CSMD1: variants seen among roughly 807,000 people sequenced by gnomAD.
CSMD1 encodes CUB and Sushi multiple domains 1.
Under a neutral mutation model 417.5 loss-of-function variants are expected in CSMD1, and 213 were observed. That is an observed-to-expected ratio of 0.51 (90% CI 0.46 to 0.57). The LOEUF is 0.57. CSMD1 is among the 20% of genes least tolerant of loss of function. CSMD1 has a pLI of 0.00. For missense variants in CSMD1, 6,923 were observed against 4,529.7 expected, an observed-to-expected ratio of 1.53 and a Z score of -15.17; for synonymous variants, 2,862 against 1,736.8, an observed-to-expected ratio of 1.65 and a Z score of -16.11.
At chr8:3,166,405 G>A (rs955653421) in intron 37 of CSMD1, among the ~76,000 whole-genome samples, 3 of 152,010 alleles carry the variant, frequency 2.0e-5, no homozygotes, top group Admixed American at 2.0e-4. Context: ...GTGGTGGTGT[G>A]CACCTGTAGT....
chr8:3,876,075 T>G (rs1805794417), intron 5 of CSMD1, among the ~76,000 whole-genome samples: 1 of 152,192 alleles, frequency 6.6e-6, no homozygotes. Flanking sequence ...GAAATATACT[T>G]GTTGTCTTTT....
chr8:4,110,429 T>C (rs1034754399), intron 3 of CSMD1, among the ~76,000 whole-genome samples: 1 of 152,154 alleles, frequency 6.6e-6, no homozygotes, highest in African/African-American at 2.4e-5. Flanking sequence ...GAAATCTACA[T>C]TTTCATTACT....
At chr8:4,401,671 C>T (rs1804653429) in intron 3 of CSMD1, among the ~76,000 whole-genome samples, 1 of 152,112 alleles carries the variant, frequency 6.6e-6, no homozygotes, top group African/African-American at 2.4e-5. Context: ...TATTCTCATC[C>T]CAAATACCGG....
At chr8:4,321,983 G>T (rs1799297106) in intron 3 of CSMD1, among the ~76,000 whole-genome samples, 1 of 151,868 alleles carries the variant, frequency 6.6e-6, no homozygotes, top group Non-Finnish European at 1.5e-5. Context: ...CATAGACATT[G>T]TTAATTATCT....
At chr8:3,947,652 C>G (rs1365948245) in intron 5 of CSMD1, among the ~76,000 whole-genome samples, 1 of 152,186 alleles carries the variant, frequency 6.6e-6, no homozygotes. Context: ...TATCAATTTA[C>G]AGTTTAATTA....
chr8:3,948,212 CAA>C (rs1563242682), intron 5 of CSMD1, among the ~76,000 whole-genome samples: 1 of 151,656 alleles, frequency 6.6e-6, no homozygotes, highest in Non-Finnish European at 1.5e-5. Context: ...TAAATAATAA[CAA>C]TAATAATAAT....
Position 4,419,802 on chromosome 8 carries a change from C to A in CSMD1, c.415+151G>T, listed in dbSNP as rs918795395. The A allele has an allele frequency of 1.2e-5, 6 of 503,196 alleles. No homozygotes were observed. In the East Asian group the frequency reaches 1.9e-4, roughly 16 times the overall value. The allele number at this position is 503,196 out of a possible 1,614,324, so 31.2% of individuals were successfully genotyped here. A position where few individuals can be genotyped will look rare whatever the true frequency, so the allele number is the denominator to read the frequency against. On this transcript the variant is annotated intron_variant, in intron 3 of 69. Coordinates refer to ENST00000635120, the MANE Select transcript of CSMD1 (RefSeq NM_033225.6). ...AAGTTTGGCGATTATAACAGTGTTA[C>A]CAAATGCCATTGCATTACACAGAAG...
At chr8:4,484,293 C>T (rs1337005849) in intron 2 of CSMD1, among the ~76,000 whole-genome samples, 4 of 151,946 alleles carry the variant, frequency 2.6e-5, no homozygotes, top group African/African-American at 9.7e-5. Flanking sequence ...TGTTTTGTCC[C>T]TCTGTCCTGA....
intron 33 of CSMD1, 93 bp from the exon 34 acceptor site, chr8:3,190,208 G>C (rs1796329291): frequency 2.2e-6 from 2 of 915,280 alleles, no homozygotes; most frequent in African/African-American, 1.7e-5. Context: ...ACCAAGGAGA[G>C]CTGATGCAGA....
chr8:2,952,228 C>G (rs571575024), intron 65 of CSMD1, among the ~76,000 whole-genome samples: 10 of 152,260 alleles, frequency 6.6e-5, no homozygotes, highest in African/African-American at 9.6e-5. Flanking sequence ...CATAATTGGT[C>G]AAAACACATT....
chr8:3,658,427 T>A (rs1435770720), intron 7 of CSMD1, among the ~76,000 whole-genome samples: 1 of 147,866 alleles, frequency 6.8e-6, no homozygotes, highest in Non-Finnish European at 1.5e-5. Context: ...ATGTTTTGTT[T>A]TAATGAGCAA....
In CSMD1 at chr8:4,257,842, G is replaced by A. The variant is rs908743696; in HGVS notation, c.415+162111C>T. Among the ~76,000 whole-genome samples the A allele has an allele frequency of 5.9e-4, 90 of 152,208 alleles. 9 individuals are homozygous for A. Among genetic ancestry groups the A allele is most frequent in the Non-Finnish European group, 1.5e-5 (1 of 68,046 alleles). On this transcript the variant is annotated intron_variant, in intron 3 of 69. Transcript: ENST00000635120. ...CATGCATAGGGAATACAGAAAGTAAGCAGTCATTATTCAGCTACAGCGTAC... is the reference window on the plus strand; with the variant it reads ...CATGCATAGGGAATACAGAAAGTAAACAGTCATTATTCAGCTACAGCGTAC...
intron 3 of CSMD1, among the ~76,000 whole-genome samples, chr8:4,389,795 G>A (rs117728421): frequency 1.4e-3 from 212 of 152,106 alleles, no homozygotes; most frequent in Admixed American, 2.4e-3. Context: ...AAAATGTAAA[G>A]CCTTACAACT....
At chr8:3,660,162 G>A (rs910585446) in intron 7 of CSMD1, among the ~76,000 whole-genome samples, 3 of 152,186 alleles carry the variant, frequency 2.0e-5, no homozygotes, top group Admixed American at 2.0e-4. Context: ...TGTAATGAGA[G>A]GCTATTATAC....
intron 11 of CSMD1, among the ~76,000 whole-genome samples, chr8:3,472,116 G>T (rs1366849277): frequency 6.6e-6 from 1 of 152,000 alleles, no homozygotes; most frequent in Non-Finnish European, 1.5e-5. Context: ...ATTGCTCCCT[G>T]TGGGCAATCT....
chr8:3,685,782 A>G (rs891857540), intron 7 of CSMD1, among the ~76,000 whole-genome samples: 1 of 151,904 alleles, frequency 6.6e-6, no homozygotes, highest in African/African-American at 2.4e-5. Context: ...CTATGGGTAC[A>G]TTGAAGTTAT....
At position 4,495,693 on chromosome 8, in the gene CSMD1, C is replaced by T. The variant is rs141944104; in HGVS notation, c.303-75628G>A. On this transcript the variant is annotated intron_variant, in intron 2 of 69. Coordinates refer to ENST00000635120, the MANE Select transcript of CSMD1 (RefSeq NM_033225.6). ...AGTAAAATACTATCAAATTATCTGG[C>T]CCAAGAAAGGTTAGCTTCCCTCCTT... Among the ~76,000 whole-genome samples the T allele has an allele frequency of 1.9e-3, 284 of 152,162 alleles. 4 individuals are homozygous for T. The highest frequency in any genetic ancestry group is 6.6e-3 in the African/African-American group (272 of 41,524).
At chr8:3,433,705 C>T (rs1023759162) in intron 12 of CSMD1, among the ~76,000 whole-genome samples, 1 of 152,140 alleles carries the variant, frequency 6.6e-6, no homozygotes, top group Non-Finnish European at 1.5e-5. Context: ...ATGCCTGCAA[C>T]CCCATATTCT....
At chr8:4,770,341 TATA>T (rs1317864492) in intron 1 of CSMD1, among the ~76,000 whole-genome samples, 6 of 148,386 alleles carry the variant, frequency 4.0e-5, no homozygotes, top group African/African-American at 9.8e-5. Flanking sequence ...GAAATATATA[TATA>T]ATATGTAATT....
Sources: gnomAD v4.1 joint callset for allele counts (sites outside exome capture counted in the v4.1 genomes callset) on GRCh38, gnomAD v4.1.1 for gene constraint, MANE v1.5 for transcripts, NCBI Gene and HGNC (gene_info 2026-07-23, HGNC 2026-07-21) for gene names.